Variants in MSI2 observed in about 807,000 individuals in gnomAD.
MSI2 encodes the protein musashi RNA binding protein 2.
A neutral mutation model predicts 45.6 loss-of-function variants in MSI2; 17 were observed. That is an observed-to-expected ratio of 0.37 (90% CI 0.26 to 0.56). MSI2 has a LOEUF of 0.56. Among genes scored for constraint, MSI2 ranks in the 20% least tolerant of loss-of-function variants. MSI2 has a pLI of 0.77. For missense variants in MSI2, 293 were observed against 444.2 expected (o/e 0.66, Z 3.06); for synonymous variants, 156 against 158.2 (o/e 0.99, Z 0.11).
At chr17:57,504,303 C>T (rs1164843378) in intron 6 of MSI2, among the ~76,000 whole-genome samples, 2 of 152,206 alleles carry the variant, frequency 1.3e-5, no homozygotes, top group South Asian at 2.1e-4. Context: ...CCGGGATTCT[C>T]CTCATGCCTT....
intron 7 of MSI2, among the ~76,000 whole-genome samples, chr17:57,575,789 CA>C (rs1269451308): frequency 6.6e-6 from 1 of 151,724 alleles, no homozygotes; most frequent in Admixed American, 6.6e-5. Flanking sequence ...ATTAAAAATA[CA>C]AAAAATTAGC....
intron 5 of MSI2, among the ~76,000 whole-genome samples, chr17:57,292,949 A>G (rs149439314): frequency 6.6e-6 from 1 of 152,282 alleles, no homozygotes; most frequent in East Asian, 1.9e-4. Flanking sequence ...TGTCAAGGAG[A>G]GAGAGTTCTT....
intron 5 of MSI2, 137 bp from the exon 6 acceptor site, chr17:57,401,242 G>T (rs909627814): frequency 3.0e-6 from 2 of 675,002 alleles, no homozygotes; most frequent in Non-Finnish European, 5.3e-6. Flanking sequence ...ACATCTAAAC[G>T]CCCGCGCCAT....
intron 6 of MSI2, among the ~76,000 whole-genome samples, chr17:57,507,851 G>A (rs2086271149): frequency 6.6e-6 from 1 of 152,156 alleles, no homozygotes; most frequent in Non-Finnish European, 1.5e-5. Flanking sequence ...TTGTTGTATT[G>A]CCCAGACTGG....
At chr17:57,546,154 C>T (rs2087162493) in intron 7 of MSI2, among the ~76,000 whole-genome samples, 1 of 152,248 alleles carries the variant, frequency 6.6e-6, no homozygotes, top group Admixed American at 6.5e-5. Context: ...CTTTTGGAAA[C>T]TGTCTTGTCT....
chr17:57,667,892 G>T (rs1912490636), intron 11 of MSI2, among the ~76,000 whole-genome samples: 1 of 152,172 alleles, frequency 6.6e-6, no homozygotes, highest in East Asian at 1.9e-4. Context: ...TCAGATCAGG[G>T]CTGATAATAA....
At chr17:57,637,302 G>C (rs907957667) in intron 10 of MSI2, among the ~76,000 whole-genome samples, 1 of 152,356 alleles carries the variant, frequency 6.6e-6, no homozygotes, top group Non-Finnish European at 1.5e-5. Context: ...GACCGACCGC[G>C]GCACGAGGCT....
chr17:57,285,828 GCC>G, intron 5 of MSI2: 2 of 1,423,050 alleles, frequency 1.4e-6, no homozygotes, highest in South Asian at 1.6e-5. Flanking sequence ...AGTTAGCCAA[GCC>G]TCCTACCACT....
At chr17:57,602,348 T>G (rs1018004545) in intron 8 of MSI2, among the ~76,000 whole-genome samples, 1 of 152,064 alleles carries the variant, frequency 6.6e-6, no homozygotes, top group Non-Finnish European at 1.5e-5. Context: ...GTTTTTTGTT[T>G]GTTTTGTTTT....
chr17:57,372,978 G>A (rs973756058), intron 5 of MSI2, among the ~76,000 whole-genome samples: 5 of 152,158 alleles, frequency 3.3e-5, no homozygotes, highest in African/African-American at 1.2e-4. Flanking sequence ...GCTGGGCACA[G>A]GGGCTCACGA....
chr17:57,369,048 C>T (rs2083382769), intron 5 of MSI2, among the ~76,000 whole-genome samples: 1 of 152,130 alleles, frequency 6.6e-6, no homozygotes, highest in Non-Finnish European at 1.5e-5. Context: ...ATCTCAGAGT[C>T]ATTTGGTGAG....
chr17:57,665,791 G>C (rs575085651), intron 11 of MSI2, among the ~76,000 whole-genome samples: 4 of 152,296 alleles, frequency 2.6e-5, no homozygotes, highest in Non-Finnish European at 4.4e-5. Flanking sequence ...TTCCTGGGGT[G>C]GGGGAGGGGA....
chr17:57,263,329 G>A (rs1242052694), intron 5 of MSI2, among the ~76,000 whole-genome samples: 1 of 152,020 alleles, frequency 6.6e-6, no homozygotes, highest in East Asian at 1.9e-4. Flanking sequence ...AACTTTTTAA[G>A]TAAATACAAT....
rs143851975 is a variant in MSI2, at chr17:57,492,415, A to C, written c.406-37261A>C. Among the ~76,000 whole-genome samples, 31 of 152,340 alleles carry C rather than the reference A, an allele frequency of 2.0e-4. No individual in the cohort carries two copies. In the East Asian group the frequency reaches 5.8e-3, roughly 28 times the overall value. ...AAACCTTGTAGCATTTGACCAGATC[A>C]ATACTGAGGGTTCTCAAATAGATAT... On this transcript the variant is annotated intron_variant, in intron 6 of 13. Transcript: ENST00000284073.
chr17:57,418,323 G>C lies in MSI2; in HGVS notation c.405+16852G>C, dbSNP rs147600245. 3.2e-4 allele frequency among the ~76,000 whole-genome samples: 48 copies of C among 152,310 alleles called. No individual in the cohort carries two copies. In the East Asian group the frequency reaches 6.7e-3, roughly 21 times the overall value. ...TTCAGGATCAGTAATAAACTTTAGG[G>C]GCATGGCTATGCTCATTTGAAATAG... On this transcript the variant is annotated intron_variant, in intron 6 of 13. Transcript: ENST00000284073.
chr17:57,352,083 G>C (rs792387), intron 5 of MSI2, among the ~76,000 whole-genome samples: 64,623 of 152,120 alleles, frequency 0.42, 16,110 homozygotes, highest in African/African-American at 0.7. Context: ...GATATAAGTC[G>C]CAGGAAAGTC....
intron 7 of MSI2, among the ~76,000 whole-genome samples, chr17:57,569,117 G>C (rs2087809683): frequency 6.6e-6 from 1 of 152,132 alleles, no homozygotes; most frequent in African/African-American, 2.4e-5. Context: ...CGGTGGATTA[G>C]AGAGAGGAGG....
In MSI2 at chr17:57,674,835, G is replaced by A. The variant is rs184481803; in HGVS notation, c.791-137G>A. On this transcript the variant is annotated intron_variant, in intron 11 of 13. Transcript: ENST00000284073. ...GAGTGTTAGAAGTTGGGCCTCAGCT[G>A]TTTTTCTCAAGTGTTTGGCTTGTAA... The A allele has an allele frequency of 8.4e-5, 113 of 1,345,362 alleles. No individual in the cohort carries two copies. The African/African-American group carries it at 1.5e-3, about 18-fold the overall frequency. The allele number at this position is 1,345,362 out of a possible 1,614,324, so 83.3% of individuals were successfully genotyped here. A position where few individuals can be genotyped will look rare whatever the true frequency, so the allele number is the denominator to read the frequency against.
intron 6 of MSI2, among the ~76,000 whole-genome samples, chr17:57,430,596 T>C (rs1352862030): frequency 1.3e-5 from 2 of 152,258 alleles, no homozygotes; most frequent in African/African-American, 4.8e-5. Context: ...TTTATTTTTC[T>C]TGTTCTTGCT....
Sources: allele counts gnomAD v4.1 joint callset (sites outside exome capture counted in the v4.1 genomes callset), GRCh38; gene constraint gnomAD v4.1.1; transcripts MANE v1.5; gene names NCBI Gene and HGNC (gene_info 2026-07-23, HGNC 2026-07-21).